CDH18: variants seen among roughly 807,000 people sequenced by gnomAD.
CDH18 encodes the protein cadherin 18.
In CDH18, 31 loss-of-function variants were observed where a neutral mutation model predicts 67.9. That is an observed-to-expected ratio of 0.46 (90% CI 0.34 to 0.62). CDH18 has a LOEUF of 0.62. CDH18 is among the 20% of genes least tolerant of loss of function. The pLI, the probability that CDH18 is intolerant of heterozygous loss-of-function variation, is 0.01. For missense variants in CDH18, 890 were observed against 975.5 expected (o/e 0.91, Z 1.17); for synonymous variants, 362 against 347.2 (o/e 1.04, Z -0.48).
intron 1 of CDH18, among the ~76,000 whole-genome samples, chr5:20,313,617 C>T (rs930636859): frequency 1.3e-5 from 2 of 151,896 alleles, no homozygotes; most frequent in Non-Finnish European, 2.9e-5. Context: ...TGTCAAACAG[C>T]CCCCGAAAGA....
intron 5 of CDH18, among the ~76,000 whole-genome samples, chr5:19,621,022 C>A (rs1750604584): frequency 6.6e-6 from 1 of 152,054 alleles, no homozygotes; most frequent in African/African-American, 2.4e-5. Context: ...GGGTAAGAGA[C>A]TATCTAAATA....
chr5:20,450,365 G>T (rs1750346318), intron 1 of CDH18, among the ~76,000 whole-genome samples: 1 of 151,936 alleles, frequency 6.6e-6, no homozygotes, highest in African/African-American at 2.4e-5. Context: ...ACATAAAAGT[G>T]TATTGTTCTA....
chr5:20,183,282 C>A (rs1053054936), intron 2 of CDH18, among the ~76,000 whole-genome samples: 4 of 152,006 alleles, frequency 2.6e-5, no homozygotes, highest in Non-Finnish European at 5.9e-5. Context: ...CACAGAACCG[C>A]TTTTTAAAAT....
intron 10 of CDH18, among the ~76,000 whole-genome samples, chr5:19,518,798 G>C (rs1746429447): frequency 6.6e-6 from 1 of 152,150 alleles, no homozygotes; most frequent in African/African-American, 2.4e-5. Flanking sequence ...AGGGCCTACT[G>C]TGGGACTTCA....
At chr5:19,856,297 T>C (rs1209850467) in intron 2 of CDH18, among the ~76,000 whole-genome samples, 1 of 152,166 alleles carries the variant, frequency 6.6e-6, no homozygotes, top group Non-Finnish European at 1.5e-5. Context: ...ATGGTACTAA[T>C]GTTTATAATG....
At chr5:20,095,782 T>C (rs1424069938) in intron 2 of CDH18, among the ~76,000 whole-genome samples, 1 of 148,804 alleles carries the variant, frequency 6.7e-6, no homozygotes. Flanking sequence ...AAATAGTATA[T>C]TCAAAAACTG....
intron 2 of CDH18, among the ~76,000 whole-genome samples, chr5:19,965,775 G>C (rs1374866646): frequency 1.3e-5 from 2 of 152,018 alleles, no homozygotes; most frequent in African/African-American, 4.8e-5. Context: ...GAAAGAGAGA[G>C]GCAGGTAGAA....
At chr5:19,932,557 CT>C (rs1477388240) in intron 2 of CDH18, among the ~76,000 whole-genome samples, 2 of 151,472 alleles carry the variant, frequency 1.3e-5, no homozygotes, top group Non-Finnish European at 3.0e-5. Flanking sequence ...CAATCCGCCC[CT>C]CTCCCCACAA....
chr5:19,696,191 G>T (rs1390328584), intron 5 of CDH18, among the ~76,000 whole-genome samples: 2 of 151,776 alleles, frequency 1.3e-5, no homozygotes, highest in African/African-American at 4.8e-5. Context: ...TGGAAAAGAA[G>T]ACTGAACATT....
chr5:19,986,506 G>A (rs933930739), intron 1 of CDH18, among the ~76,000 whole-genome samples: 2 of 152,050 alleles, frequency 1.3e-5, no homozygotes, highest in African/African-American at 4.8e-5. Flanking sequence ...TTGTTTGGTT[G>A]GTTTTTTAAG....
At chr5:19,930,987 C>A (rs903385136) in intron 2 of CDH18, among the ~76,000 whole-genome samples, 4 of 151,820 alleles carry the variant, frequency 2.6e-5, no homozygotes, top group Admixed American at 6.6e-5. Context: ...TACATCTTGG[C>A]AGATATGATT....
At chr5:20,299,535 C>A (rs1379406855) in intron 1 of CDH18, among the ~76,000 whole-genome samples, 1 of 151,636 alleles carries the variant, frequency 6.6e-6, no homozygotes, top group Admixed American at 6.6e-5. Context: ...CCGATGCAGG[C>A]AGATCACAAG....
intron 2 of CDH18, among the ~76,000 whole-genome samples, chr5:19,839,737 A>G (rs538939553): frequency 1.3e-5 from 2 of 152,270 alleles, no homozygotes; most frequent in South Asian, 2.1e-4. Flanking sequence ...TGTGAGTGAC[A>G]ATGTCAATTG....
chr5:20,107,276 G>T (rs893049786), intron 2 of CDH18, among the ~76,000 whole-genome samples: 2 of 151,928 alleles, frequency 1.3e-5, no homozygotes, highest in African/African-American at 4.8e-5. Context: ...GGGTTTCACC[G>T]TGTTAGCCAG....
chr5:19,686,284 T>TA (rs1311528616), intron 5 of CDH18, among the ~76,000 whole-genome samples: 1 of 152,074 alleles, frequency 6.6e-6, no homozygotes, highest in Non-Finnish European at 1.5e-5. Flanking sequence ...AAGAACTTAG[T>TA]AAAAAGAGTT....
intron 3 of CDH18, among the ~76,000 whole-genome samples, chr5:19,799,355 A>G (rs1418744731): frequency 2.0e-5 from 3 of 152,032 alleles, no homozygotes; most frequent in Non-Finnish European, 4.4e-5. Flanking sequence ...CTATTGTACA[A>G]CATAGTATCT....
chr5:20,149,032 T>C (rs1232700289), intron 2 of CDH18, among the ~76,000 whole-genome samples: 1 of 152,180 alleles, frequency 6.6e-6, no homozygotes, highest in Non-Finnish European at 1.5e-5. Context: ...GCTAATCTCC[T>C]GCATTAAATT....
chr5:20,367,320 C>T (rs910426346), intron 1 of CDH18, among the ~76,000 whole-genome samples: 2 of 152,070 alleles, frequency 1.3e-5, no homozygotes, highest in African/African-American at 4.8e-5. Flanking sequence ...TCAAGCACAC[C>T]AGACCCCATA....
intron 2 of CDH18, among the ~76,000 whole-genome samples, chr5:19,872,293 AC>A (rs1239711842): frequency 1.3e-5 from 2 of 152,168 alleles, no homozygotes; most frequent in Non-Finnish European, 2.9e-5. Flanking sequence ...TGAACTACAT[AC>A]TTGTATATTC....
Sources: gnomAD v4.1 joint callset for allele counts (sites outside exome capture counted in the v4.1 genomes callset) on GRCh38, gnomAD v4.1.1 for gene constraint, MANE v1.5 for transcripts, NCBI Gene and HGNC (gene_info 2026-07-23, HGNC 2026-07-21) for gene names.